The following DYNC1H1 variants were observed in gnomAD, a reference collection of about 807,000 sequenced individuals.
DYNC1H1 encodes the protein dynein cytoplasmic 1 heavy chain 1.
DYNC1H1 carries 51 observed loss-of-function variants against 527.1 expected under a neutral mutation model. The ratio of observed to expected loss-of-function variants is 0.10; its 90% CI spans 0.08 to 0.12. The LOEUF (loss-of-function observed/expected upper bound fraction) is 0.12, where lower values mean the gene tolerates loss of function less well. Among genes scored for constraint, DYNC1H1 ranks in the 10% least tolerant of loss-of-function variants. The pLI, the probability that DYNC1H1 is intolerant of heterozygous loss-of-function variation, is 1.00. For synonymous variants in DYNC1H1, 2,189 were observed against 2,278.8 expected (o/e 0.96, Z 1.12); for missense variants, 2,771 against 5,971.8 (o/e 0.46, Z 17.66).
Position 101,979,815 on chromosome 14 carries a change from C to G in DYNC1H1, c.615C>G (p.Ile205Met). 6.2e-7 allele frequency: 1 copy of G among 1,614,156 alleles called. No individual in the cohort carries two copies. The highest frequency in any genetic ancestry group is 8.5e-7 in the Non-Finnish European group (1 of 1,180,022). The change falls in exon 4 of 78, where the codon ATC (isoleucine) becomes ATG (methionine). Residue 205 changes from isoleucine (I) to methionine (M), a missense_variant. This residue lies in a region of DYNC1H1 where 146 missense variants were observed against 288.1 expected (regional missense o/e 0.51). Coordinates refer to ENST00000360184, the MANE Select transcript of DYNC1H1 (RefSeq NM_001376.5). The surrounding 1 kb of genome is among the most constrained non-coding windows in gnomAD (Gnocchi z 4.6). ...HLQQNIEIPEISLPIHPMITN... is the reference protein window; with the variant it reads ...HLQQNIEIPEMSLPIHPMITN... Reference sequence around the variant, plus strand: ...AGCAAAATATTGAAATTCCGGAGATCAGCCTGCCGATTCATCCAATGATCA... The same window carrying G: ...AGCAAAATATTGAAATTCCGGAGATGAGCCTGCCGATTCATCCAATGATCA...
At position 102,036,213 on chromosome 14, in the gene DYNC1H1, A is replaced by C. The variant is rs1299231640; in HGVS notation, c.10755-276A>C. 7 of 416,582 alleles carry C rather than the reference A, an allele frequency of 1.7e-5. No homozygotes were observed. Among genetic ancestry groups the C allele is most frequent in the Non-Finnish European group, 2.7e-5 (6 of 220,698 alleles). The allele number at this position is 416,582 out of a possible 1,614,324, so 25.8% of individuals were successfully genotyped here. The stretch of plus-strand genomic sequence containing the variant: ...TCTAACAGTGCAGGATGCTGAGAGG[A>C]TGATTGTCCCAGAAGGAAAAAGATT... On this transcript the variant is annotated intron_variant, in intron 56 of 77. Transcript: ENST00000360184. This position sits in a 1 kb window ranked among gnomAD's most constrained non-coding sequence, Gnocchi z 5.6.
chr14:101,971,144 C>T (rs1007207219), intron 1 of DYNC1H1, among the ~76,000 whole-genome samples: 3 of 126,666 alleles, frequency 2.4e-5, no homozygotes, highest in African/African-American at 9.3e-5. Context: ...GTCGCCCAGG[C>T]TGGAGTGCAG....
intron 28 of DYNC1H1, among the ~76,000 whole-genome samples, 173 bp from the exon 29 acceptor site, chr14:102,008,005 C>T (rs2048216853): frequency 1.3e-5 from 2 of 152,198 alleles, no homozygotes; most frequent in African/African-American, 4.8e-5. Context: ...TGTGGATCAG[C>T]GGCCCCAACC....
chr14:102,032,429 C>T lies in DYNC1H1; in HGVS notation c.10041C>T (p.Phe3347=). The part of the protein sequence containing the change: ...QIRSIIMREN[F]IPTIVNFSAE... ...GCTCCATCATCATGCGGGAGAACTT[C>T]ATCCCCACCATCGTCAACTTCTCTG... The change falls in exon 52 of 78, where the codon TTC becomes TTT. Residue 3347 remains phenylalanine, a synonymous_variant. Coordinates refer to ENST00000360184, the MANE Select transcript of DYNC1H1 (RefSeq NM_001376.5). 6.2e-7 allele frequency: 1 copy of T among 1,614,232 alleles called. No individual in the cohort carries two copies. Among genetic ancestry groups the T allele is most frequent in the Admixed American group, 1.7e-5 (1 of 60,028 alleles).
Position 102,050,586 on chromosome 14 carries a change from G to C in DYNC1H1, c.*23G>C, listed in dbSNP as rs2048796322. ...TAAACTTTTCTAGCTGCCCCTTTCT[G>C]TAATAGTGAAAGTTGGTATTTAACA... On this transcript the variant is annotated 3_prime_UTR_variant, in exon 78 of 78. Transcript: ENST00000360184. 1.9e-6 allele frequency: 3 copies of C among 1,614,162 alleles called. No homozygotes were observed. In the East Asian group the frequency reaches 6.7e-5, roughly 36 times the overall value.
At position 101,997,308 on chromosome 14, in the gene DYNC1H1, C is replaced by T; in HGVS notation, c.3804+34C>T. The T allele has an allele frequency of 1.2e-6, 2 of 1,613,768 alleles. No homozygotes were observed. The highest frequency in any genetic ancestry group is 1.7e-6 in the Non-Finnish European group (2 of 1,179,960). ...CGCCAGGTGGGGACGCAGGAGACTC[C>T]TCACCCAGCAGTGTGATTTGGTGAC... On this transcript the variant is annotated intron_variant, in intron 16 of 77. Transcript: ENST00000360184. The surrounding 1 kb of genome is among the most constrained non-coding windows in gnomAD (Gnocchi z 4.8).
rs2048245551 is a variant in DYNC1H1 at position 102,010,482 on chromosome 14, A to C, written c.6405+23A>C. The stretch of plus-strand genomic sequence containing the variant: ...GAGGTTCGTTACAAACGTTTTGATC[A>C]CTCAAACCTTATACGTTATTTAAAT... On this transcript the variant is annotated intron_variant, in intron 31 of 77. Coordinates refer to ENST00000360184, the MANE Select transcript of DYNC1H1 (RefSeq NM_001376.5). The surrounding 1 kb of genome is among the most constrained non-coding windows in gnomAD (Gnocchi z 6.0). 1.2e-6 allele frequency: 2 copies of C among 1,613,110 alleles called. No homozygotes were observed. The highest frequency in any genetic ancestry group is 1.7e-6 in the Non-Finnish European group (2 of 1,179,396).
At chr14:101,987,393 T>G in intron 8 of DYNC1H1, 60 bp from the exon 9 acceptor site, 3 of 1,519,572 alleles carry the variant, frequency 2.0e-6, no homozygotes, top group Non-Finnish European at 2.7e-6. Context: ...GAATGTTATG[T>G]GAGAATAAAG....
At position 101,986,859 on chromosome 14, in the gene DYNC1H1, C is replaced by T. The variant is rs756344539; in HGVS notation, c.2538+96C>T. ...CACTAGTTCTCCCGAAGAAGGCATG[C>T]ATGGTTGATGCAGCATACGGCCATG... On this transcript the variant is annotated intron_variant, in intron 8 of 77. Transcript: ENST00000360184. This position sits in a 1 kb window ranked among gnomAD's most constrained non-coding sequence, Gnocchi z 8.7. 1.4e-6 allele frequency: 2 copies of T among 1,402,474 alleles called. No individual in the cohort carries two copies. The highest frequency in any genetic ancestry group is 2.0e-6 in the Non-Finnish European group (2 of 992,468). The allele number at this position is 1,402,474 out of a possible 1,614,324, so 86.9% of individuals were successfully genotyped here.
Position 102,018,447 on chromosome 14 carries a change from A to G in DYNC1H1, c.8178-4A>G, listed in dbSNP as rs1595618620. 1 of 1,613,248 alleles carries G rather than the reference A, an allele frequency of 6.2e-7. No homozygotes were observed. The highest frequency in any genetic ancestry group is 1.7e-4 in the Middle Eastern group (1 of 6,060). On this transcript the variant is annotated splice_region_variant and splice_polypyrimidine_tract_variant and intron_variant, in intron 40 of 77. Coordinates refer to ENST00000360184, the MANE Select transcript of DYNC1H1 (RefSeq NM_001376.5). The surrounding 1 kb of genome is among the most constrained non-coding windows in gnomAD (Gnocchi z 5.2). Reference sequence around the variant, plus strand: ...GGGCGCTGAGCGGGGCTATCTGTGCACAGGTTCCTGCGCCACGTGCCTGTC... The same window carrying G: ...GGGCGCTGAGCGGGGCTATCTGTGCGCAGGTTCCTGCGCCACGTGCCTGTC...
chr14:101,966,767 T>C (rs1339168164), intron 1 of DYNC1H1, among the ~76,000 whole-genome samples: 1 of 152,142 alleles, frequency 6.6e-6, no homozygotes. Flanking sequence ...GCTTCTAGAG[T>C]GATCACCAGT....
intron 51 of DYNC1H1, chr14:102,030,715 T>G (rs1217682457): frequency 3.9e-6 from 1 of 255,174 alleles, no homozygotes; most frequent in Non-Finnish European, 7.7e-6. Flanking sequence ...TAGCAGTCAC[T>G]TCTCTTTTTC....
chr14:102,031,745 G>A (rs1223742571), intron 51 of DYNC1H1, among the ~76,000 whole-genome samples: 4 of 152,118 alleles, frequency 2.6e-5, no homozygotes, highest in South Asian at 4.2e-4. Flanking sequence ...ACCTGAGGTC[G>A]GGAGTTCAAG....
In DYNC1H1 at chr14:102,004,830, A is replaced by G. The variant is rs1567007961; in HGVS notation, c.5118A>G (p.Glu1706=). The change falls in exon 25 of 78, where the codon GAA becomes GAG. Residue 1706 remains glutamate, a synonymous_variant. Coordinates refer to ENST00000360184, the MANE Select transcript of DYNC1H1 (RefSeq NM_001376.5). ...TCAATGAGTGGCTCACATTGGTAGA[A>G]AAGGAGATGAGAGTCACCCTGGCCA... is the stretch of plus-strand genomic sequence containing the variant. ...PKINEWLTLV[E]KEMRVTLAKL... The G allele has an allele frequency of 6.2e-7, 1 of 1,614,116 alleles. No homozygotes were observed. The highest frequency in any genetic ancestry group is 8.5e-7 in the Non-Finnish European group (1 of 1,180,052).
At chr14:101,996,544 G>A (rs2048064882) in intron 15 of DYNC1H1, among the ~76,000 whole-genome samples, 1 of 152,186 alleles carries the variant, frequency 6.6e-6, no homozygotes, top group Non-Finnish European at 1.5e-5. Context: ...AGCTGCGGTG[G>A]GCTCTCAGAG....
chr14:101,982,913 CTAGA>C (rs1402972711), intron 5 of DYNC1H1, 102 bp from the exon 6 acceptor site: 1 of 1,339,844 alleles, frequency 7.5e-7, no homozygotes, highest in Non-Finnish European at 1.1e-6. Context: ...TTTTGTCTCG[CTAGA>C]TATTTTGCAA....
At chr14:101,970,571 C>T (rs1417903121) in intron 1 of DYNC1H1, among the ~76,000 whole-genome samples, 3 of 150,892 alleles carry the variant, frequency 2.0e-5, no homozygotes, top group African/African-American at 7.3e-5. Flanking sequence ...CAACCCCCGC[C>T]TCCTGGGTTC....
chr14:102,002,458 T>G lies in DYNC1H1; in HGVS notation c.4543-79T>G. The G allele has an allele frequency of 6.4e-7, 1 of 1,572,858 alleles. No homozygotes were observed. The highest frequency in any genetic ancestry group is 1.7e-5 in the Admixed American group (1 of 59,888). On this transcript the variant is annotated intron_variant, in intron 21 of 77. Coordinates refer to ENST00000360184, the MANE Select transcript of DYNC1H1 (RefSeq NM_001376.5). The surrounding 1 kb of genome is among the most constrained non-coding windows in gnomAD (Gnocchi z 4.4). The stretch of plus-strand genomic sequence containing the variant: ...CAGATTACTTCATGAGATCCTGATC[T>G]GCGCTTTTTCAGTGAGTTTTGGCAT...
Position 102,052,760 on chromosome 14 carries a change from C to G in DYNC1H1, c.*2197C>G, listed in dbSNP as rs944378332. On this transcript the variant is annotated 3_prime_UTR_variant, in exon 78 of 78. Transcript: ENST00000360184. Reference sequence around the variant, plus strand: ...GGGTCTGGTCCTCCTCCGCCATCCTCGAGTCCTCGGGCTACGTGCCCTCAT... The same window carrying G: ...GGGTCTGGTCCTCCTCCGCCATCCTGGAGTCCTCGGGCTACGTGCCCTCAT... 1 of 152,266 alleles carries G rather than the reference C, an allele frequency of 6.6e-6. No individual in the cohort carries two copies. Among genetic ancestry groups the G allele is most frequent in the Non-Finnish European group, 1.5e-5 (1 of 68,084 alleles). 9.4% of individuals were successfully genotyped at this position (152,266 alleles called of 1,614,324 possible).
Sources: gnomAD v4.1 joint callset for allele counts (sites outside exome capture counted in the v4.1 genomes callset) on GRCh38, gnomAD v4.1.1 for gene constraint, gnomAD v4.1.1 regional missense constraint, Gnocchi (gnomAD v3.1) non-coding constraint, MANE v1.5 for transcripts, NCBI Gene and HGNC (gene_info 2026-07-23, HGNC 2026-07-21) for gene names.